Variants in PTPRN2 observed in about 807,000 individuals in gnomAD.
The protein encoded by PTPRN2 is receptor-type tyrosine-protein phosphatase N2.
A neutral mutation model predicts 118.8 loss-of-function variants in PTPRN2; 74 were observed. The observed-to-expected ratio is 0.62, with a 90% CI of 0.52 to 0.76. The LOEUF is 0.76. PTPRN2 is among the 30% of genes least tolerant of loss of function. The probability of loss-of-function intolerance (pLI) is 0.00; values close to 1 mark genes in which losing one functional copy is unlikely to be tolerated. For synonymous variants in PTPRN2, 641 were observed against 608.0 expected (o/e 1.05, Z -0.80); for missense variants, 1,481 against 1,394.4 (o/e 1.06, Z -0.99).
chr7:157,615,366 T>G lies in PTPRN2; in HGVS notation c.2344+5996A>C. 2.2e-6 allele frequency: 1 copy of G among 454,066 alleles called. No homozygotes were observed. The highest frequency in any genetic ancestry group is 1.6e-5 in the South Asian group (1 of 62,232). 28.1% of individuals were successfully genotyped at this position (454,066 alleles called of 1,614,324 possible). A position where few individuals can be genotyped will look rare whatever the true frequency, so the allele number is the denominator to read the frequency against. ...TGCACTCTCCGGGGAGCCGCTGACC[T>G]TGGGCTCCCTAACCTCCTTCAGCCC... On this transcript the variant is annotated intron_variant, in intron 15 of 22. Coordinates refer to ENST00000389418, the MANE Select transcript of PTPRN2 (RefSeq NM_002847.5). This position sits in a 1 kb window ranked among gnomAD's most constrained non-coding sequence, Gnocchi z 4.3.
chr7:157,879,836 TAAA>T (rs11459962), intron 12 of PTPRN2, among the ~76,000 whole-genome samples: 3 of 119,770 alleles, frequency 2.5e-5, no homozygotes, highest in African/African-American at 3.1e-5. Context: ...ACGTCTTTGT[TAAA>T]AAAAAAAAAA....
intron 2 of PTPRN2, among the ~76,000 whole-genome samples, chr7:158,471,968 T>A (rs1252083528): frequency 1.3e-5 from 2 of 151,738 alleles, no homozygotes; most frequent in Non-Finnish European, 2.9e-5. Context: ...CCAATCATGC[T>A]TCCGGCCCCG....
chr7:158,322,474 CA>C (rs1289675139), intron 2 of PTPRN2, among the ~76,000 whole-genome samples: 6 of 148,944 alleles, frequency 4.0e-5, no homozygotes, highest in Non-Finnish European at 7.5e-5. Context: ...TGGCAGCATC[CA>C]GCCCCGGTGG....
At chr7:158,464,791 G>A (rs1054360004) in intron 2 of PTPRN2, among the ~76,000 whole-genome samples, 4 of 148,800 alleles carry the variant, frequency 2.7e-5, no homozygotes, top group Admixed American at 6.7e-5. Context: ...CCTTACCATC[G>A]CCATCATTGG....
intron 11 of PTPRN2, among the ~76,000 whole-genome samples, chr7:157,931,934 C>A (rs1415946705): frequency 1.3e-5 from 2 of 152,130 alleles, no homozygotes; most frequent in Non-Finnish European, 2.9e-5. Flanking sequence ...TCCCCTCCCC[C>A]CTTTAAAAAT....
intron 8 of PTPRN2, 109 bp from the exon 9 acceptor site, chr7:158,134,168 C>G: frequency 7.7e-7 from 1 of 1,298,094 alleles, no homozygotes; most frequent in South Asian, 1.4e-5. Flanking sequence ...ACATGGGCAG[C>G]CTGGAAGGAG....
chr7:158,259,585 G>A (rs1003841922), intron 3 of PTPRN2, among the ~76,000 whole-genome samples: 8 of 152,152 alleles, frequency 5.3e-5, no homozygotes, highest in African/African-American at 1.9e-4. Flanking sequence ...GCCCAAGAGT[G>A]GGACTCACTC....
rs560533995 is a variant in PTPRN2 at position 158,473,761 on chromosome 7, A to G, written c.163+15974T>C. 2.6e-5 allele frequency among the ~76,000 whole-genome samples: 4 copies of G among 152,204 alleles called. No individual in the cohort carries two copies. In the East Asian group the frequency reaches 7.7e-4, roughly 29 times the overall value. On this transcript the variant is annotated intron_variant, in intron 2 of 22. Transcript: ENST00000389418. ...TCCAACTGTCTAACAGTCAACCATG[A>G]TAGATTGGGGGGAAAAAAACATTTT...
chr7:157,631,219 T>G (rs980744651), intron 14 of PTPRN2, among the ~76,000 whole-genome samples: 1 of 152,198 alleles, frequency 6.6e-6, no homozygotes, highest in East Asian at 1.9e-4. Flanking sequence ...ATTAAGGTAG[T>G]GGAGAAAAGT....
At chr7:158,396,364 G>A (rs1812499120) in intron 2 of PTPRN2, among the ~76,000 whole-genome samples, 1 of 152,240 alleles carries the variant, frequency 6.6e-6, no homozygotes, top group African/African-American at 2.4e-5. Context: ...CCTTTAAAGA[G>A]ACACACAAAA....
At chr7:158,376,236 G>A (rs7797720) in intron 2 of PTPRN2, among the ~76,000 whole-genome samples, 11,193 of 150,236 alleles carry the variant, frequency 0.075, 502 homozygotes, top group East Asian at 0.19. Flanking sequence ...AGCCACACCC[G>A]TCACACGTCC....
chr7:157,813,283 C>G lies in PTPRN2; in HGVS notation c.1788+85390G>C, dbSNP rs996743699. On this transcript the variant is annotated intron_variant, in intron 12 of 22. Transcript: ENST00000389418. This position sits in a 1 kb window ranked among gnomAD's most constrained non-coding sequence, Gnocchi z 4.7. ...TTGGGACCCCTCACCCTGCCCGGTC[C>G]TCCTGCTGTGGGGTGTGAGTCCAGC... is the stretch of plus-strand genomic sequence containing the variant. 6.6e-6 allele frequency among the ~76,000 whole-genome samples: 1 copy of G among 152,160 alleles called. No individual in the cohort carries two copies. Among genetic ancestry groups the G allele is most frequent in the African/African-American group, 2.4e-5 (1 of 41,408 alleles).
intron 13 of PTPRN2, among the ~76,000 whole-genome samples, chr7:157,669,072 C>G (rs1796277028): frequency 6.6e-6 from 1 of 152,204 alleles, no homozygotes; most frequent in Admixed American, 6.5e-5. Context: ...TTTACACAAA[C>G]ACTCCACCAT....
At chr7:158,103,367 A>C (rs1228793573) in intron 10 of PTPRN2, among the ~76,000 whole-genome samples, 1 of 152,236 alleles carries the variant, frequency 6.6e-6, no homozygotes, top group Admixed American at 6.5e-5. Context: ...GTAAGAGGTA[A>C]AAAGCCTTAA....
rs1563301125 is a variant in PTPRN2 at position 157,986,051 on chromosome 7, AAC to A, written c.1724-87316_1724-87315del. Among the ~76,000 whole-genome samples, 1 of 152,204 alleles carries A rather than the reference AAC, an allele frequency of 6.6e-6. No homozygotes were observed. Among genetic ancestry groups the A allele is most frequent in the Non-Finnish European group, 1.5e-5 (1 of 68,032 alleles). ...CTGACAAGAGAAAGGCCAGAACACAAACACACTTCCTGCTTCCAGATGGATGG... is the reference window on the plus strand; with the variant it reads ...CTGACAAGAGAAAGGCCAGAACACAAACACTTCCTGCTTCCAGATGGATGG... On this transcript the variant is annotated intron_variant, in intron 11 of 22. Transcript: ENST00000389418. This position sits in a 1 kb window ranked among gnomAD's most constrained non-coding sequence, Gnocchi z 4.5.
intron 3 of PTPRN2, among the ~76,000 whole-genome samples, chr7:158,238,317 C>T (rs1268191171): frequency 1.3e-5 from 2 of 152,086 alleles, no homozygotes; most frequent in Non-Finnish European, 2.9e-5. Flanking sequence ...CCCCTCCCTC[C>T]TGCCCTGGGC....
chr7:158,071,392 AGGTGCTCG>A (rs1563391000), intron 11 of PTPRN2, among the ~76,000 whole-genome samples: 10 of 37,738 alleles, frequency 2.6e-4, no homozygotes, highest in African/African-American at 7.3e-4. Flanking sequence ...CTCGTGGTGG[AGGTGCTCG>A]TGGTGGAGTT....
chr7:157,898,567 C>A, intron 12 of PTPRN2, 106 bp downstream of exon 12: 1 of 1,187,588 alleles, frequency 8.4e-7, no homozygotes, highest in South Asian at 1.3e-5. Flanking sequence ...AAAACAGGAC[C>A]TTGGCTGAAT....
intron 12 of PTPRN2, among the ~76,000 whole-genome samples, chr7:157,775,788 G>C (rs908250381): frequency 1.3e-5 from 2 of 152,132 alleles, no homozygotes; most frequent in Non-Finnish European, 2.9e-5. Flanking sequence ...AGGCCTGCAG[G>C]CTGGGTTCCT....
Sources: gnomAD v4.1 joint callset for allele counts (sites outside exome capture counted in the v4.1 genomes callset) on GRCh38, gnomAD v4.1.1 for gene constraint, Gnocchi (gnomAD v3.1) non-coding constraint, MANE v1.5 for transcripts, NCBI Gene and HGNC (gene_info 2026-07-23, HGNC 2026-07-21) for gene names.